The following CTXND1 variants were observed in gnomAD, a reference collection of about 807,000 sequenced individuals.
CTXND1 encodes the protein cortexin domain containing 1, also known as cortexin domain-containing 1 protein.
chr15:80,249,190 C>T (rs889079395), intron 1 of CTXND1, among the ~76,000 whole-genome samples: 1 of 152,216 alleles, frequency 6.6e-6, no homozygotes, highest in Non-Finnish European at 1.5e-5. Context: ...TGGCTTCAAG[C>T]GATTCTCTTG....
At chr15:80,248,386 G>A (rs966230313) in intron 1 of CTXND1, among the ~76,000 whole-genome samples, 6 of 152,140 alleles carry the variant, frequency 3.9e-5, no homozygotes, top group African/African-American at 9.7e-5. Context: ...GAGACGCAGC[G>A]GAAAGGGTAA....
chr15:80,237,029 C>T (rs907580958), intron 1 of CTXND1, among the ~76,000 whole-genome samples: 3 of 151,714 alleles, frequency 2.0e-5, no homozygotes, highest in African/African-American at 7.3e-5. Flanking sequence ...AGAGGATACT[C>T]CTTCTGTTTA....
chr15:80,203,996 A>G (rs1174482761), intron 1 of CTXND1, among the ~76,000 whole-genome samples: 1 of 151,028 alleles, frequency 6.6e-6, no homozygotes, highest in African/African-American at 2.4e-5. Flanking sequence ...TCCTGTCTCT[A>G]CAAAAAGTAC....
At chr15:80,225,087 T>C (rs1893358348) in intron 1 of CTXND1, among the ~76,000 whole-genome samples, 1 of 152,230 alleles carries the variant, frequency 6.6e-6, no homozygotes, top group Admixed American at 6.5e-5. Context: ...CTTTTATCCT[T>C]ATACGTGAAG....
rs5814006 is a variant in CTXND1, at chr15:80,223,812, C to CAA, written c.-217-20074_-217-20073dup. Among the ~76,000 whole-genome samples, 964 of 141,298 alleles carry CAA rather than the reference C, an allele frequency of 6.8e-3. 7 individuals are homozygous for CAA. Among genetic ancestry groups the CAA allele is most frequent in the South Asian group, 0.014 (65 of 4,506 alleles). The allele number at this position is 141,298 out of a possible 152,430, so 92.7% of individuals were successfully genotyped here. The stretch of plus-strand genomic sequence containing the variant: ...AGAACCTTTTAATATGCTTTTTGGC[C>CAA]AAAAAAAAAAAAAATACCCAAAACA... On this transcript the variant is annotated intron_variant, in intron 1 of 2. Transcript: ENST00000560778.
chr15:80,225,269 A>G (rs1893359950), intron 1 of CTXND1, among the ~76,000 whole-genome samples: 1 of 152,234 alleles, frequency 6.6e-6, no homozygotes, highest in African/African-American at 2.4e-5. Context: ...CTGGAAGCTT[A>G]TAGGATATAA....
intron 1 of CTXND1, among the ~76,000 whole-genome samples, chr15:80,208,333 A>T (rs1190391037): frequency 6.6e-6 from 1 of 152,258 alleles, no homozygotes; most frequent in African/African-American, 2.4e-5. Flanking sequence ...GATGAGCAAT[A>T]TCACAAATAT....
intron 1 of CTXND1, among the ~76,000 whole-genome samples, chr15:80,220,142 CTATCATCTATCT>C (rs201587091): frequency 0.097 from 10,839 of 111,548 alleles, 424 homozygotes; most frequent in Middle Eastern, 0.16. Context: ...ATCTATCTAT[CTATCATCTATCT>C]ATCTATCTAT....
intron 1 of CTXND1, among the ~76,000 whole-genome samples, chr15:80,227,594 A>T (rs997696885): frequency 6.6e-6 from 1 of 152,182 alleles, no homozygotes; most frequent in Non-Finnish European, 1.5e-5. Context: ...TATGAAAGGA[A>T]TTTTTTGGTT....
chr15:80,235,268 C>A (rs978717052), intron 1 of CTXND1, among the ~76,000 whole-genome samples: 1 of 152,164 alleles, frequency 6.6e-6, no homozygotes, highest in Non-Finnish European at 1.5e-5. Flanking sequence ...TAATAGATAG[C>A]CTGAGCCCCA....
At chr15:80,219,147 G>A (rs913239830) in intron 1 of CTXND1, among the ~76,000 whole-genome samples, 36 of 149,258 alleles carry the variant, frequency 2.4e-4, no homozygotes, top group African/African-American at 8.2e-4. Flanking sequence ...GTCTCACTAC[G>A]TTGCCCAGGC....
At chr15:80,216,186 C>T (rs955588478) in intron 1 of CTXND1, among the ~76,000 whole-genome samples, 4 of 152,128 alleles carry the variant, frequency 2.6e-5, no homozygotes, top group African/African-American at 9.7e-5. Flanking sequence ...AGGGCTGGGG[C>T]GGCACCAAGC....
intron 1 of CTXND1, among the ~76,000 whole-genome samples, chr15:80,234,975 G>A (rs1030141455): frequency 2.9e-5 from 4 of 137,222 alleles, no homozygotes; most frequent in African/African-American, 5.6e-5. Flanking sequence ...GCTGAGGTTC[G>A]GTCCCCAGAG....
intron 1 of CTXND1, among the ~76,000 whole-genome samples, chr15:80,210,827 G>T (rs1294831007): frequency 6.6e-6 from 1 of 152,202 alleles, no homozygotes; most frequent in Non-Finnish European, 1.5e-5. Context: ...GTCCAGTGGG[G>T]TTGGCTGCTC....
intron 1 of CTXND1, among the ~76,000 whole-genome samples, chr15:80,232,414 C>T (rs531904808): frequency 2.2e-4 from 34 of 152,178 alleles, no homozygotes; most frequent in South Asian, 4.2e-4. Flanking sequence ...TCAGTGGCCC[C>T]GATGTAATTA....
intron 1 of CTXND1, among the ~76,000 whole-genome samples, chr15:80,238,609 C>T (rs544629909): frequency 3.3e-5 from 5 of 151,978 alleles, no homozygotes; most frequent in Non-Finnish European, 7.4e-5. Flanking sequence ...CTCAGCCTCC[C>T]GAGTAGCTAG....
At chr15:80,224,039 G>A (rs182289684) in intron 1 of CTXND1, among the ~76,000 whole-genome samples, 49 of 152,118 alleles carry the variant, frequency 3.2e-4, no homozygotes, top group Admixed American at 2.8e-3. Context: ...TTTTCTCTTG[G>A]GACACTCACT....
At chr15:80,242,256 CACT>C (rs1893577350) in intron 1 of CTXND1, among the ~76,000 whole-genome samples, 1 of 152,210 alleles carries the variant, frequency 6.6e-6, no homozygotes, top group Non-Finnish European at 1.5e-5. Context: ...CCCAGGTGTC[CACT>C]CTGTGCTTTC....
chr15:80,205,269 C>T (rs1893136461), intron 1 of CTXND1, among the ~76,000 whole-genome samples: 2 of 152,164 alleles, frequency 1.3e-5, no homozygotes, highest in African/African-American at 2.4e-5. Flanking sequence ...GACAGAATTT[C>T]CAATCTTTTG....
Sources: gnomAD v4.1 joint callset for allele counts (sites outside exome capture counted in the v4.1 genomes callset) on GRCh38, gnomAD v4.1.1 for gene constraint, MANE v1.5 for transcripts, NCBI Gene and HGNC (gene_info 2026-07-23, HGNC 2026-07-21) for gene names.